Variants in ME3 observed in about 807,000 individuals in gnomAD.
ME3 encodes malic enzyme 3, also known as NADP-dependent malic enzyme, mitochondrial.
A neutral mutation model predicts 68.9 loss-of-function variants in ME3; 48 were observed. The ratio of observed to expected loss-of-function variants is 0.70; its 90% CI spans 0.55 to 0.89. ME3 has a LOEUF of 0.89. Among genes scored for constraint, ME3 ranks in the 40% least tolerant of loss-of-function variants. ME3 has a pLI of 0.00. For missense variants in ME3, 675 were observed against 797.4 expected, an observed-to-expected ratio of 0.85 and a Z score of 1.85; for synonymous variants, 320 against 318.8, an observed-to-expected ratio of 1.00 and a Z score of -0.04.
chr11:86,488,616 G>A (rs148017959), intron 6 of ME3, among the ~76,000 whole-genome samples: 24 of 152,254 alleles, frequency 1.6e-4, no homozygotes, highest in South Asian at 4.2e-4. Flanking sequence ...CTGTGTGTGC[G>A]TTGGTGTGAA....
intron 4 of ME3, among the ~76,000 whole-genome samples, chr11:86,543,430 C>G (rs555518270): frequency 6.6e-6 from 1 of 152,254 alleles, no homozygotes; most frequent in Admixed American, 6.5e-5. Context: ...CAAAGACACA[C>G]ATAGGCTCAA....
chr11:86,461,756 T>A (rs1031460534), intron 8 of ME3, among the ~76,000 whole-genome samples: 2 of 152,202 alleles, frequency 1.3e-5, no homozygotes, highest in African/African-American at 4.8e-5. Context: ...GGGTGGCGCA[T>A]GCTCCTGCCC....
intron 4 of ME3, among the ~76,000 whole-genome samples, chr11:86,510,329 A>G (rs774362809): frequency 5.9e-5 from 9 of 152,024 alleles, no homozygotes; most frequent in Admixed American, 1.3e-4. Flanking sequence ...TCCCCTACCC[A>G]AAATTTGGCT....
At chr11:86,492,559 G>T (rs1196466063) in intron 6 of ME3, among the ~76,000 whole-genome samples, 1 of 152,208 alleles carries the variant, frequency 6.6e-6, no homozygotes, top group Non-Finnish European at 1.5e-5. Context: ...TAAATATTGA[G>T]TGACTAAATC....
intron 2 of ME3, among the ~76,000 whole-genome samples, chr11:86,670,094 C>A (rs1228672149): frequency 1.3e-5 from 2 of 152,122 alleles, no homozygotes; most frequent in East Asian, 3.9e-4. Context: ...CTCTGACCGG[C>A]TTTAATTACT....
At chr11:86,453,722 T>G (rs997056709) in intron 8 of ME3, among the ~76,000 whole-genome samples, 2 of 152,200 alleles carry the variant, frequency 1.3e-5, no homozygotes, top group East Asian at 3.8e-4. Flanking sequence ...GCATTTTGGT[T>G]TTGCTAAATC....
chr11:86,534,413 G>T (rs1373009380), intron 4 of ME3, among the ~76,000 whole-genome samples: 1 of 151,910 alleles, frequency 6.6e-6, no homozygotes, highest in African/African-American at 2.4e-5. Context: ...GGTGGCTTAC[G>T]CCTGTAATCC....
At chr11:86,508,704 G>T in intron 5 of ME3, 88 bp downstream of exon 5, 2 of 1,264,668 alleles carry the variant, frequency 1.6e-6, no homozygotes, top group Non-Finnish European at 1.1e-6. Context: ...GTGTCATAAT[G>T]GCTCATTTTA....
intron 2 of ME3, among the ~76,000 whole-genome samples, chr11:86,652,566 G>A (rs1945525746): frequency 6.6e-6 from 1 of 151,916 alleles, no homozygotes; most frequent in Non-Finnish European, 1.5e-5. Context: ...TCACCACCAG[G>A]CCTGCCCTAA....
intron 2 of ME3, among the ~76,000 whole-genome samples, chr11:86,640,571 C>T (rs1198116175): frequency 6.6e-6 from 1 of 152,226 alleles, no homozygotes; most frequent in East Asian, 1.9e-4. Flanking sequence ...TCTTAAGGAG[C>T]TGCCTTATCT....
chr11:86,652,665 G>T (rs369685123), intron 2 of ME3, among the ~76,000 whole-genome samples: 1 of 150,938 alleles, frequency 6.6e-6, no homozygotes, highest in African/African-American at 2.4e-5. Flanking sequence ...GACCATCCAC[G>T]CTAGGAAGAA....
intron 2 of ME3, among the ~76,000 whole-genome samples, chr11:86,605,692 C>T (rs375676799): frequency 3.6e-4 from 55 of 152,162 alleles, no homozygotes; most frequent in African/African-American, 1.2e-3. Context: ...CTCTGTTTAA[C>T]GTTATTTAAA....
intron 2 of ME3, among the ~76,000 whole-genome samples, chr11:86,619,200 T>C (rs1943189849): frequency 6.6e-6 from 1 of 152,180 alleles, no homozygotes; most frequent in African/African-American, 2.4e-5. Context: ...CAATTAAACC[T>C]CTTTTCTCAT....
chr11:86,547,096 G>A lies in ME3; in HGVS notation c.467+9457C>T, dbSNP rs559612889. 3.4e-4 allele frequency among the ~76,000 whole-genome samples: 52 copies of A among 151,888 alleles called. No individual in the cohort carries two copies. In the East Asian group the frequency reaches 4.1e-3, roughly 12 times the overall value. On this transcript the variant is annotated intron_variant, in intron 4 of 14. Coordinates refer to ENST00000543262, the Ensembl canonical transcript of ME3. Reference sequence around the variant, plus strand: ...TACTAAAAATACAAAAAATTAGCCGGGTATGGTGGTGGGTGCCTGTAGTCC... The same window carrying A: ...TACTAAAAATACAAAAAATTAGCCGAGTATGGTGGTGGGTGCCTGTAGTCC...
chr11:86,648,549 G>T (rs913460502), intron 2 of ME3, among the ~76,000 whole-genome samples: 3 of 151,752 alleles, frequency 2.0e-5, no homozygotes, highest in Admixed American at 6.6e-5. Context: ...CAGGGAACTG[G>T]TTCTTTGGAA....
intron 6 of ME3, among the ~76,000 whole-genome samples, chr11:86,489,814 C>G (rs144725169): frequency 6.6e-6 from 1 of 152,206 alleles, no homozygotes; most frequent in Admixed American, 6.5e-5. Flanking sequence ...CTCCCACTCC[C>G]TCCCCCTTTA....
At chr11:86,559,160 C>G (rs1328325161) in intron 3 of ME3, among the ~76,000 whole-genome samples, 1 of 152,208 alleles carries the variant, frequency 6.6e-6, no homozygotes, top group East Asian at 1.9e-4. Flanking sequence ...GGAGAACTCA[C>G]AGAGGAGGCA....
At chr11:86,663,006 C>G (rs771103672) in intron 2 of ME3, among the ~76,000 whole-genome samples, 1 of 152,084 alleles carries the variant, frequency 6.6e-6, no homozygotes, top group Non-Finnish European at 1.5e-5. Flanking sequence ...AAGAGCAAAG[C>G]AAAATAGAAC....
chr11:86,597,525 C>A (rs1959711399), intron 2 of ME3, among the ~76,000 whole-genome samples: 1 of 152,224 alleles, frequency 6.6e-6, no homozygotes, highest in Non-Finnish European at 1.5e-5. Flanking sequence ...CTGTTGTCAG[C>A]TCCTTGTCCA....
Sources: gnomAD v4.1 joint callset for allele counts (sites outside exome capture counted in the v4.1 genomes callset) on GRCh38, gnomAD v4.1.1 for gene constraint, MANE v1.5 for transcripts, NCBI Gene and HGNC (gene_info 2026-07-23, HGNC 2026-07-21) for gene names.